PRKDC: variants seen among roughly 807,000 people sequenced by gnomAD.
The protein encoded by PRKDC is DNA-dependent protein kinase catalytic subunit.
In PRKDC, 82 loss-of-function variants were observed where a neutral mutation model predicts 486.9. The observed-to-expected ratio is 0.17, with a 90% CI of 0.14 to 0.20. The LOEUF is 0.20. Ranked by LOEUF, PRKDC falls within the 10% of genes least tolerant of loss-of-function variation. The pLI is 1.00. For synonymous variants in PRKDC, 1,895 were observed against 1,837.0 expected, an observed-to-expected ratio of 1.03 and a Z score of -0.81; for missense variants, 4,504 against 5,038.2, an observed-to-expected ratio of 0.89 and a Z score of 3.21.
intron 7 of PRKDC, among the ~76,000 whole-genome samples, chr8:47,945,579 T>C (rs1312192603): frequency 6.6e-6 from 1 of 152,224 alleles, no homozygotes; most frequent in Admixed American, 6.5e-5. Context: ...TGTGTCAGAC[T>C]TTCCTGCCTT....
At chr8:47,862,770 G>A (rs1301808344) in intron 42 of PRKDC, among the ~76,000 whole-genome samples, 3 of 152,132 alleles carry the variant, frequency 2.0e-5, no homozygotes, top group African/African-American at 7.2e-5. Flanking sequence ...GTGACGCAAC[G>A]GCATCAAGTG....
At chr8:47,906,034 CTAACCCTCA>C (rs1364421740) in intron 25 of PRKDC, among the ~76,000 whole-genome samples, 4 of 152,206 alleles carry the variant, frequency 2.6e-5, no homozygotes, top group Admixed American at 6.5e-5. Context: ...TGCTACAGAT[CTAACCCTCA>C]TTATACATGA....
chr8:47,839,394 A>G (rs1056448007), intron 55 of PRKDC, 148 bp from the exon 56 acceptor site: 12 of 642,542 alleles, frequency 1.9e-5, no homozygotes, highest in Non-Finnish European at 3.3e-5. Context: ...TGCCCCACTC[A>G]TGGGTGTGTG....
intron 69 of PRKDC, among the ~76,000 whole-genome samples, chr8:47,805,745 T>G (rs1446280552): frequency 6.6e-6 from 1 of 152,186 alleles, no homozygotes; most frequent in East Asian, 1.9e-4. Flanking sequence ...GACTTTGGTC[T>G]TCCTAATTAC....
chr8:47,913,466 G>A (rs985534327), intron 24 of PRKDC, among the ~76,000 whole-genome samples: 2 of 151,838 alleles, frequency 1.3e-5, no homozygotes, highest in Non-Finnish European at 2.9e-5. Context: ...GCGTAATCTC[G>A]GCTTGCTGCA....
intron 16 of PRKDC, 23 bp from the exon 17 acceptor site, chr8:47,930,810 G>T: frequency 1.3e-6 from 2 of 1,538,806 alleles, no homozygotes; most frequent in Non-Finnish European, 1.8e-6. Context: ...TTGTAGCAAA[G>T]AAACATTGTA....
chr8:47,826,618 T>C, intron 63 of PRKDC, 38 bp downstream of exon 63: 1 of 1,575,252 alleles, frequency 6.3e-7, no homozygotes, highest in East Asian at 2.3e-5. Flanking sequence ...TTTGGTCAAA[T>C]CCAGTGTGCT....
chr8:47,832,978 C>A (rs760590217), intron 59 of PRKDC, among the ~76,000 whole-genome samples: 1 of 152,240 alleles, frequency 6.6e-6, no homozygotes, highest in African/African-American at 2.4e-5. Context: ...CCCTGCAAAG[C>A]AGGGAGTCCA....
At chr8:47,831,513 G>T (rs551989175) in intron 60 of PRKDC, among the ~76,000 whole-genome samples, 20 of 152,248 alleles carry the variant, frequency 1.3e-4, no homozygotes, top group African/African-American at 4.8e-4. Context: ...TCCCTGAAGC[G>T]AGGGCCAGTG....
chr8:47,797,148 G>T (rs534980416), intron 73 of PRKDC, among the ~76,000 whole-genome samples: 2 of 152,170 alleles, frequency 1.3e-5, no homozygotes, highest in Non-Finnish European at 2.9e-5. Flanking sequence ...TGTGAGGAAG[G>T]ATCAGTCCAC....
At chr8:47,894,844 A>G (rs1341575146) in intron 30 of PRKDC, among the ~76,000 whole-genome samples, 1 of 152,194 alleles carries the variant, frequency 6.6e-6, no homozygotes, top group Non-Finnish European at 1.5e-5. Flanking sequence ...CCAAGGCAGG[A>G]GGACTGCTTG....
rs2154499479 is a variant in PRKDC at position 47,831,910 on chromosome 8, C to G, written c.8169G>C (p.Thr2723=). The change falls in exon 60 of 86, where the codon ACG becomes ACC. Residue 2723 remains threonine (T), a synonymous_variant. Transcript: ENST00000314191. ...ACCGTCTGCGCAGTCGTAGTAGGTC[C>G]GTCCGGCCGGCCGCACCTGGAGAGG... ...DNKVKGAAGR[T]DLLRLRRRFM... is the part of the protein sequence containing the mutation. The G allele has an allele frequency of 3.7e-6, 6 of 1,612,704 alleles. No individual in the cohort carries two copies. Among genetic ancestry groups the G allele is most frequent in the Middle Eastern group, 1.7e-4 (1 of 6,030 alleles).
At chr8:47,807,004 T>C (rs1251343978) in intron 69 of PRKDC, 133 bp downstream of exon 69, 17 of 939,844 alleles carry the variant, frequency 1.8e-5, no homozygotes, top group South Asian at 6.7e-5. Flanking sequence ...CCAAGTTTAC[T>C]TATAAAGAGA....
intron 7 of PRKDC, among the ~76,000 whole-genome samples, chr8:47,950,453 G>A (rs996341430): frequency 2.7e-5 from 4 of 150,820 alleles, no homozygotes; most frequent in African/African-American, 9.8e-5. Context: ...GTGAAACCCC[G>A]TCTCTGCTAA....
rs113526434 is a variant in PRKDC, at chr8:47,952,825, G to A, written c.721+795C>T. On this transcript the variant is annotated intron_variant, in intron 7 of 85. Transcript: ENST00000314191. ...TTGAGAACAGCCTGGCCAACATGGT[G>A]AAACCCCATCTCTACTAAAAATACA... Among the ~76,000 whole-genome samples the A allele has an allele frequency of 3.5e-3, 528 of 151,792 alleles. 1 individual carries two copies. Among genetic ancestry groups the A allele is most frequent in the African/African-American group, 0.012 (504 of 41,344 alleles).
chr8:47,952,169 T>C (rs1259809622), intron 7 of PRKDC, among the ~76,000 whole-genome samples: 5 of 152,090 alleles, frequency 3.3e-5, no homozygotes, highest in African/African-American at 4.8e-5. Context: ...TGTACAACAA[T>C]GATCATGGCA....
At chr8:47,952,222 C>T (rs2090636268) in intron 7 of PRKDC, among the ~76,000 whole-genome samples, 2 of 152,046 alleles carry the variant, frequency 1.3e-5, no homozygotes, top group Admixed American at 6.5e-5. Context: ...AACCAAGTGC[C>T]CATATACGGA....
At chr8:47,936,666 G>C in intron 11 of PRKDC, 149 bp from the exon 12 acceptor site, 2 of 848,170 alleles carry the variant, frequency 2.4e-6, no homozygotes, top group Non-Finnish European at 3.5e-6. Flanking sequence ...GTCCAGGCTG[G>C]AGTGCAATGG....
chr8:47,812,479 A>C (rs1236096981), intron 68 of PRKDC, among the ~76,000 whole-genome samples: 1 of 152,228 alleles, frequency 6.6e-6, no homozygotes, highest in Non-Finnish European at 1.5e-5. Flanking sequence ...ATAGCCAGAA[A>C]ACCCAGGTAT....
Sources: allele counts gnomAD v4.1 joint callset (sites outside exome capture counted in the v4.1 genomes callset), GRCh38; gene constraint gnomAD v4.1.1; transcripts MANE v1.5; gene names NCBI Gene and HGNC (gene_info 2026-07-23, HGNC 2026-07-21).